The following PDE3B variants were observed in gnomAD, a reference collection of about 807,000 sequenced individuals.
PDE3B encodes cGMP-inhibited 3',5'-cyclic phosphodiesterase 3B.
In PDE3B, 66 loss-of-function variants were observed where a neutral mutation model predicts 116.8. The ratio of observed to expected loss-of-function variants is 0.56; its 90% CI spans 0.46 to 0.69. The LOEUF is 0.69. Among genes scored for constraint, PDE3B ranks in the 30% least tolerant of loss-of-function variants. The probability of loss-of-function intolerance (pLI) is 0.00; values close to 1 mark genes in which losing one functional copy is unlikely to be tolerated. For synonymous variants in PDE3B, 595 were observed against 533.6 expected (o/e 1.12, Z -1.59); for missense variants, 1,384 against 1,368.1 (o/e 1.01, Z -0.18).
intron 5 of PDE3B, among the ~76,000 whole-genome samples, chr11:14,812,348 C>G (rs1216652488): frequency 6.6e-6 from 1 of 152,110 alleles, no homozygotes; most frequent in Non-Finnish European, 1.5e-5. Flanking sequence ...CTCAATAGAT[C>G]TGCAGAAAAT....
intron 1 of PDE3B, among the ~76,000 whole-genome samples, chr11:14,705,898 A>G (rs1456498858): frequency 1.3e-5 from 2 of 151,880 alleles, no homozygotes; most frequent in African/African-American, 2.4e-5. Context: ...GTCTTTCGGT[A>G]CTTATATAGA....
intron 1 of PDE3B, among the ~76,000 whole-genome samples, chr11:14,770,070 T>C (rs1857595324): frequency 6.6e-6 from 1 of 151,316 alleles, no homozygotes; most frequent in Admixed American, 6.6e-5. Flanking sequence ...TATACAAGTA[T>C]TTGTCTCTGT....
At chr11:14,727,811 C>T (rs1453481130) in intron 1 of PDE3B, among the ~76,000 whole-genome samples, 1 of 151,852 alleles carries the variant, frequency 6.6e-6, no homozygotes, top group African/African-American at 2.4e-5. Context: ...TTCATTTGTG[C>T]TTATAACAAT....
In PDE3B at chr11:14,803,943, G is replaced by T; in HGVS notation, c.1416-1G>T. 6.4e-7 allele frequency: 1 copy of T among 1,565,074 alleles called. No homozygotes were observed. The highest frequency in any genetic ancestry group is 8.8e-7 in the Non-Finnish European group (1 of 1,136,414). On this transcript the variant is annotated splice_acceptor_variant, in intron 4 of 15. Transcript: ENST00000282096. LOFTEE classifies it high-confidence loss of function. ...TTTAACCTGTTATTTTTCCCTTTTA[G>T]TCAAGGATGCTATCTAAATGGGCCT...
intron 5 of PDE3B, among the ~76,000 whole-genome samples, chr11:14,805,723 A>G (rs1206793807): frequency 2.0e-5 from 3 of 152,172 alleles, no homozygotes; most frequent in Non-Finnish European, 4.4e-5. Flanking sequence ...GCAGGGGGAA[A>G]ATTATCCAGA....
At chr11:14,691,079 A>G (rs1464306690) in intron 1 of PDE3B, among the ~76,000 whole-genome samples, 1 of 152,182 alleles carries the variant, frequency 6.6e-6, no homozygotes, top group Non-Finnish European at 1.5e-5. Flanking sequence ...GAAAAAGGAA[A>G]TGAGGTCAAG....
chr11:14,732,044 T>G (rs1485232063), intron 1 of PDE3B, among the ~76,000 whole-genome samples: 2 of 152,060 alleles, frequency 1.3e-5, no homozygotes, highest in African/African-American at 4.8e-5. Flanking sequence ...GAAGGTGACA[T>G]CTGAGCAACA....
At chr11:14,753,439 C>A (rs1857107880) in intron 1 of PDE3B, among the ~76,000 whole-genome samples, 3 of 151,836 alleles carry the variant, frequency 2.0e-5, no homozygotes, top group Admixed American at 6.6e-5. Context: ...TCTGATAATT[C>A]TTGGGTTTAT....
intron 1 of PDE3B, among the ~76,000 whole-genome samples, chr11:14,675,998 C>T (rs1854521692): frequency 6.6e-6 from 1 of 152,084 alleles, no homozygotes. Flanking sequence ...ACACTCCTAC[C>T]AGCAATATAT....
rs192079964 is a variant in PDE3B at position 14,730,217 on chromosome 11, T to G, written c.979-41720T>G. Among the ~76,000 whole-genome samples the G allele has an allele frequency of 2.6e-5, 4 of 152,336 alleles. No individual in the cohort carries two copies. In the East Asian group the frequency reaches 7.7e-4, roughly 29 times the overall value. On this transcript the variant is annotated intron_variant, in intron 1 of 15. Coordinates refer to ENST00000282096, the MANE Select transcript of PDE3B (RefSeq NM_000922.4). ...CCCTCTGCATCATTATCTCCCAGTT[T>G]AAAGATGGGTGTTTCTGAGTAGCTG...
At chr11:14,674,409 C>T (rs904306110) in intron 1 of PDE3B, 10 of 664,502 alleles carry the variant, frequency 1.5e-5, no homozygotes, top group Middle Eastern at 4.5e-4. Flanking sequence ...AATTTTTATT[C>T]CAACCACTGT....
chr11:14,756,247 A>G (rs1267763805), intron 1 of PDE3B, among the ~76,000 whole-genome samples: 4 of 152,160 alleles, frequency 2.6e-5, no homozygotes, highest in African/African-American at 9.7e-5. Flanking sequence ...ATATATTATA[A>G]TCTAGTTGGG....
intron 1 of PDE3B, among the ~76,000 whole-genome samples, chr11:14,763,395 G>T (rs1288665416): frequency 6.6e-6 from 1 of 152,034 alleles, no homozygotes; most frequent in Middle Eastern, 3.2e-3. Context: ...ACCAGAGAAT[G>T]AAAGGAGAAG....
chr11:14,792,016 A>T (rs1858404869), intron 4 of PDE3B, among the ~76,000 whole-genome samples: 1 of 152,008 alleles, frequency 6.6e-6, no homozygotes, highest in Non-Finnish European at 1.5e-5. Flanking sequence ...GGGTTGGTTA[A>T]ATCTGTGGAT....
At chr11:14,811,989 T>A (rs1859148466) in intron 5 of PDE3B, among the ~76,000 whole-genome samples, 1 of 152,126 alleles carries the variant, frequency 6.6e-6, no homozygotes, top group Admixed American at 6.6e-5. Flanking sequence ...GTACATTGAT[T>A]TTGTATCCTG....
intron 7 of PDE3B, among the ~76,000 whole-genome samples, chr11:14,825,571 A>C (rs1859662453): frequency 2.0e-5 from 3 of 152,206 alleles, no homozygotes; most frequent in African/African-American, 7.2e-5. Context: ...TAAAGGGTTC[A>C]ATTCAATAAG....
rs534791116 is a variant in PDE3B at position 14,869,210 on chromosome 11, A to G, written c.3140-251A>G. Among the ~76,000 whole-genome samples the G allele has an allele frequency of 7.2e-5, 11 of 152,226 alleles. No individual in the cohort carries two copies. The East Asian group carries it at 2.1e-3, about 29-fold the overall frequency. Reference sequence around the variant, plus strand: ...CTCTATTTTGTTTTTATCCGTAACAATACCATCTAACATATTCCTGTTTTG... The same window carrying G: ...CTCTATTTTGTTTTTATCCGTAACAGTACCATCTAACATATTCCTGTTTTG... On this transcript the variant is annotated intron_variant, in intron 15 of 15. Transcript: ENST00000282096.
chr11:14,868,915 G>C (rs1724164144), intron 15 of PDE3B, among the ~76,000 whole-genome samples: 1 of 152,066 alleles, frequency 6.6e-6, no homozygotes, highest in Admixed American at 6.6e-5. Flanking sequence ...CAGCTACTAG[G>C]GAGGCTGAGG....
rs777298996 is a variant in PDE3B at position 14,644,510 on chromosome 11, G to A, written c.435G>A (p.Pro145=). Residue 145 remains proline, a synonymous_variant, in exon 1 of 16, where the codon CCG becomes CCA. Coordinates refer to ENST00000282096, the MANE Select transcript of PDE3B (RefSeq NM_000922.4). ...CCCGGACCAAGCGGGGACCCGGCCC[G>A]GGCCGGAGCTGCGGCTCCTGGTGGC... The part of the protein sequence containing the change: ...FLTRTKRGPG[P]GRSCGSWWLL... 6 of 1,609,830 alleles carry A rather than the reference G, an allele frequency of 3.7e-6. No homozygotes were observed. The highest frequency in any genetic ancestry group is 1.7e-5 in the Admixed American group (1 of 59,650).
Sources: allele counts gnomAD v4.1 joint callset (sites outside exome capture counted in the v4.1 genomes callset), GRCh38; gene constraint gnomAD v4.1.1; transcripts MANE v1.5; gene names NCBI Gene and HGNC (gene_info 2026-07-23, HGNC 2026-07-21).